Variants in SVEP1 observed in about 807,000 individuals in gnomAD.
SVEP1 encodes the protein sushi, von Willebrand factor type A, EGF and pentraxin domain containing 1.
In SVEP1, 164 loss-of-function variants were observed where a neutral mutation model predicts 367.3. The observed-to-expected ratio is 0.45, with a 90% CI of 0.39 to 0.51. The LOEUF (loss-of-function observed/expected upper bound fraction) is 0.51, where lower values mean the gene tolerates loss of function less well. Ranked by LOEUF, SVEP1 falls within the 20% of genes least tolerant of loss-of-function variation. The pLI, the probability that SVEP1 is intolerant of heterozygous loss-of-function variation, is 0.00. For missense variants in SVEP1, 4,117 were observed against 4,425.3 expected, an observed-to-expected ratio of 0.93 and a Z score of 1.98; for synonymous variants, 1,666 against 1,611.6, an observed-to-expected ratio of 1.03 and a Z score of -0.81.
intron 5 of SVEP1, among the ~76,000 whole-genome samples, chr9:110,505,907 T>C (rs1422555735): frequency 1.3e-5 from 2 of 152,040 alleles, no homozygotes; most frequent in African/African-American, 2.4e-5. Flanking sequence ...TTATGGTGGT[T>C]TGCTGTACCC....
chr9:110,480,905 C>G (rs1829177181), intron 12 of SVEP1, among the ~76,000 whole-genome samples: 1 of 151,870 alleles, frequency 6.6e-6, no homozygotes, highest in Non-Finnish European at 1.5e-5. Context: ...TACGGGTATA[C>G]GTCACCATGC....
At chr9:110,514,132 C>G in intron 3 of SVEP1, 26 bp from the exon 4 acceptor site, 4 of 1,600,138 alleles carry the variant, frequency 2.5e-6, no homozygotes. Flanking sequence ...CCGGAGAAGT[C>G]CATGTTATGT....
chr9:110,498,178 AT>A (rs1829480471), intron 7 of SVEP1, among the ~76,000 whole-genome samples: 1 of 152,164 alleles, frequency 6.6e-6, no homozygotes, highest in South Asian at 2.1e-4. Context: ...ATGAAAAGTT[AT>A]TTAAGATTTT....
chr9:110,539,386 T>C (rs1830116670), intron 3 of SVEP1, among the ~76,000 whole-genome samples: 1 of 152,152 alleles, frequency 6.6e-6, no homozygotes, highest in Non-Finnish European at 1.5e-5. Flanking sequence ...CTTTATACCA[T>C]GTGAAGGTGC....
At chr9:110,542,498 G>A (rs552657709) in intron 3 of SVEP1, among the ~76,000 whole-genome samples, 33 of 152,260 alleles carry the variant, frequency 2.2e-4, no homozygotes, top group African/African-American at 7.7e-4. Flanking sequence ...AACAGCTATC[G>A]TCTAGTCATC....
intron 39 of SVEP1, among the ~76,000 whole-genome samples, chr9:110,404,099 A>T (rs1158438412): frequency 6.6e-6 from 1 of 152,184 alleles, no homozygotes; most frequent in Non-Finnish European, 1.5e-5. Context: ...TTGTTATAGA[A>T]ATCTTAATAT....
rs575378359 is a variant in SVEP1, at chr9:110,412,524, A to G, written c.5976-789T>C. Among the ~76,000 whole-genome samples the G allele has an allele frequency of 6.1e-3, 936 of 152,212 alleles. 6 individuals are homozygous for G. The highest frequency in any genetic ancestry group is 0.021 in the African/African-American group (884 of 41,538). ...CTAAAACACCAAAAGCAATGGCAACAAAAGACAAAATTGACAAATGGGATC... is the reference window on the plus strand; with the variant it reads ...CTAAAACACCAAAAGCAATGGCAACGAAAGACAAAATTGACAAATGGGATC... On this transcript the variant is annotated intron_variant, in intron 36 of 47. Transcript: ENST00000374469.
rs564945789 is a variant in SVEP1 at position 110,379,574 on chromosome 9, A to G, written c.10238-57T>C. 3.1e-5 allele frequency: 48 copies of G among 1,556,138 alleles called. No individual in the cohort carries two copies. The East Asian group carries it at 6.6e-4, about 21-fold the overall frequency. On this transcript the variant is annotated intron_variant, in intron 43 of 47. Coordinates refer to ENST00000374469, the MANE Select transcript of SVEP1 (RefSeq NM_153366.4). ...TGCTATTAACACAGACTGAGAACAC[A>G]GTCTCATCTCTCAGAATGAATTAAA...
At chr9:110,458,359 T>C in intron 20 of SVEP1, 112 bp downstream of exon 20, 2 of 845,080 alleles carry the variant, frequency 2.4e-6, no homozygotes, top group Non-Finnish European at 3.7e-6. Context: ...AATTCATACA[T>C]CTTGATTACT....
rs1588057356 is a variant in SVEP1 at position 110,446,829 on chromosome 9, C to G, written c.4261+71G>C. 3 of 1,358,514 alleles carry G rather than the reference C, an allele frequency of 2.2e-6. No individual in the cohort carries two copies. In the South Asian group the frequency reaches 5.9e-5, roughly 27 times the overall value. 84.2% of individuals were successfully genotyped at this position (1,358,514 alleles called of 1,614,324 possible). Reference sequence around the variant, plus strand: ...GCCTACGGACACTGCTTGGTGCAGGCAAAATTGGTATTATTGTTATTATAT... The same window carrying G: ...GCCTACGGACACTGCTTGGTGCAGGGAAAATTGGTATTATTGTTATTATAT... On this transcript the variant is annotated intron_variant, in intron 25 of 47. Transcript: ENST00000374469.
At chr9:110,487,092 G>A (rs1388120537) in intron 9 of SVEP1, among the ~76,000 whole-genome samples, 2 of 152,122 alleles carry the variant, frequency 1.3e-5, no homozygotes, top group African/African-American at 4.8e-5. Context: ...GAGTAGCTGG[G>A]ATTACAGGCA....
intron 1 of SVEP1, among the ~76,000 whole-genome samples, chr9:110,561,528 T>G (rs560514427): frequency 1.3e-5 from 2 of 152,312 alleles, no homozygotes; most frequent in African/African-American, 4.8e-5. Context: ...CAGAATAAAC[T>G]AATACATTCT....
intron 2 of SVEP1, among the ~76,000 whole-genome samples, chr9:110,548,943 C>T (rs886997150): frequency 6.6e-6 from 1 of 152,084 alleles, no homozygotes; most frequent in Non-Finnish European, 1.5e-5. Flanking sequence ...AGCAACATAG[C>T]GAGACACCAT....
intron 9 of SVEP1, among the ~76,000 whole-genome samples, chr9:110,489,053 A>G (rs1829327952): frequency 6.6e-6 from 1 of 152,180 alleles, no homozygotes; most frequent in East Asian, 1.9e-4. Flanking sequence ...AAGCAGAAAG[A>G]CATGGCAAGC....
chr9:110,525,878 T>G (rs1829934796), intron 3 of SVEP1, among the ~76,000 whole-genome samples: 1 of 151,496 alleles, frequency 6.6e-6, no homozygotes, highest in Admixed American at 6.6e-5. Flanking sequence ...GCTGCACCCA[T>G]CAACCTGTCA....
chr9:110,425,427 T>A (rs1170997745), intron 36 of SVEP1, among the ~76,000 whole-genome samples: 4 of 152,228 alleles, frequency 2.6e-5, no homozygotes, highest in Non-Finnish European at 5.9e-5. Flanking sequence ...TGATTCAATC[T>A]TTTCAATGAC....
chr9:110,415,640 T>C (rs1253058444), intron 36 of SVEP1, among the ~76,000 whole-genome samples: 1 of 151,854 alleles, frequency 6.6e-6, no homozygotes, highest in African/African-American at 2.4e-5. Context: ...GGAAAAGAAA[T>C]AGAAAATAAG....
At chr9:110,438,486 T>G (rs1828465270) in intron 27 of SVEP1, among the ~76,000 whole-genome samples, 1 of 152,152 alleles carries the variant, frequency 6.6e-6, no homozygotes, top group Non-Finnish European at 1.5e-5. Context: ...ATTACAGATG[T>G]GAGCTACCAC....
chr9:110,445,415 T>C (rs1828577445), intron 26 of SVEP1, among the ~76,000 whole-genome samples: 1 of 152,196 alleles, frequency 6.6e-6, no homozygotes, highest in Non-Finnish European at 1.5e-5. Flanking sequence ...GTCACTGAAA[T>C]CCCTTAACTT....
Sources: gnomAD v4.1 joint callset for allele counts (sites outside exome capture counted in the v4.1 genomes callset) on GRCh38, gnomAD v4.1.1 for gene constraint, MANE v1.5 for transcripts, NCBI Gene and HGNC (gene_info 2026-07-23, HGNC 2026-07-21) for gene names.